The following DCDC2 variants were observed in gnomAD, a reference collection of about 807,000 sequenced individuals.
DCDC2 encodes doublecortin domain-containing protein 2.
In DCDC2, 40 loss-of-function variants were observed where a neutral mutation model predicts 50.2. The ratio of observed to expected loss-of-function variants is 0.80; its 90% CI spans 0.62 to 1.04. DCDC2 has a LOEUF of 1.04. Ranked by LOEUF, DCDC2 falls within the 50% of genes least tolerant of loss-of-function variation. The pLI is 0.00. For synonymous variants in DCDC2, 234 were observed against 210.6 expected (o/e 1.11, Z -0.96); for missense variants, 570 against 581.9 (o/e 0.98, Z 0.21).
chr6:24,306,600 A>T (rs1299928908), intron 2 of DCDC2, among the ~76,000 whole-genome samples: 1 of 151,318 alleles, frequency 6.6e-6, no homozygotes, highest in East Asian at 1.9e-4. Flanking sequence ...AAATATTTCC[A>T]AAGTCAAAGG....
At chr6:24,219,392 C>T (rs542071353) in intron 7 of DCDC2, among the ~76,000 whole-genome samples, 73 of 152,244 alleles carry the variant, frequency 4.8e-4, no homozygotes, top group African/African-American at 1.6e-3. Context: ...GCATTTTACA[C>T]GAGAAACGGA....
intron 7 of DCDC2, among the ~76,000 whole-genome samples, chr6:24,260,963 TTTTA>T (rs1277309493): frequency 6.6e-6 from 1 of 152,224 alleles, no homozygotes; most frequent in Non-Finnish European, 1.5e-5. Flanking sequence ...GACAGAATTC[TTTTA>T]TTTAAGAGAA....
intron 7 of DCDC2, among the ~76,000 whole-genome samples, chr6:24,275,536 G>C (rs1296565958): frequency 6.6e-6 from 1 of 152,046 alleles, no homozygotes; most frequent in South Asian, 2.1e-4. Flanking sequence ...AAGCCAGTTA[G>C]TGAAGGAAAA....
intron 8 of DCDC2, among the ~76,000 whole-genome samples, chr6:24,179,798 C>CA (rs1359586581): frequency 6.0e-5 from 9 of 148,960 alleles, no homozygotes; most frequent in South Asian, 2.2e-4. Context: ...ACTAAAAATA[C>CA]AAAAAATTAG....
At chr6:24,256,501 T>C (rs758100551) in intron 7 of DCDC2, among the ~76,000 whole-genome samples, 3 of 152,148 alleles carry the variant, frequency 2.0e-5, no homozygotes, top group Non-Finnish European at 2.9e-5. Context: ...CTGTTGCGTG[T>C]GTGTGTGTCC....
chr6:24,301,277 A>C (rs1759366936), intron 4 of DCDC2, among the ~76,000 whole-genome samples: 1 of 145,300 alleles, frequency 6.9e-6, no homozygotes, highest in South Asian at 2.3e-4. Context: ...AGGCTGAGGC[A>C]GGAGAATGGC....
the DCDC2 span, among the ~76,000 whole-genome samples, chr6:24,377,162 G>A: frequency 1.3e-5 from 2 of 152,198 alleles, no homozygotes. Context: ...GATGGACTAC[G>A]TAGCTGCCAC....
intron 7 of DCDC2, among the ~76,000 whole-genome samples, chr6:24,206,413 T>C (rs145420843): frequency 1.1e-4 from 16 of 151,730 alleles, no homozygotes; most frequent in Non-Finnish European, 8.8e-5. Context: ...AGGAAAAGAG[T>C]GAAGAAAAAT....
chr6:24,207,128 A>T (rs888454382), intron 7 of DCDC2, among the ~76,000 whole-genome samples: 1 of 152,210 alleles, frequency 6.6e-6, no homozygotes, highest in African/African-American at 2.4e-5. Flanking sequence ...TTTTGATTAT[A>T]AATTGTTTAT....
intron 3 of DCDC2, 42 bp downstream of exon 3, chr6:24,301,926 C>T (rs555419401): frequency 3.7e-6 from 6 of 1,611,838 alleles, no homozygotes; most frequent in East Asian, 2.2e-5. Context: ...AAGGAAACCA[C>T]CAAGCCAATT....
At chr6:24,204,042 A>T (rs1424364899) in intron 8 of DCDC2, among the ~76,000 whole-genome samples, 1 of 152,200 alleles carries the variant, frequency 6.6e-6, no homozygotes, top group Non-Finnish European at 1.5e-5. Context: ...TGTTGGTGGG[A>T]GTGTAAATTA....
At chr6:24,260,263 G>A (rs1762980729) in intron 7 of DCDC2, among the ~76,000 whole-genome samples, 1 of 152,106 alleles carries the variant, frequency 6.6e-6, no homozygotes, top group Admixed American at 6.5e-5. Context: ...AATTATTAAT[G>A]GGTTGCCGGT....
At chr6:24,347,867 T>G (rs1760296201) in intron 2 of DCDC2, among the ~76,000 whole-genome samples, 2 of 152,178 alleles carry the variant, frequency 1.3e-5, no homozygotes, top group South Asian at 4.1e-4. Flanking sequence ...ACTTGAGACG[T>G]CCTATCCATC....
At chr6:24,347,854 A>G (rs921331925) in intron 2 of DCDC2, among the ~76,000 whole-genome samples, 14 of 152,218 alleles carry the variant, frequency 9.2e-5, no homozygotes, top group Admixed American at 8.5e-4. Context: ...AGGCTTTTAA[A>G]TTACTTGAGA....
chr6:24,378,251 A>G, the DCDC2 span, among the ~76,000 whole-genome samples: 7 of 152,158 alleles, frequency 4.6e-5, no homozygotes, highest in Admixed American at 2.6e-4. Context: ...ACTGGCTTCC[A>G]TTCGGCACTT....
chr6:24,252,174 C>T (rs1361597457), intron 7 of DCDC2, among the ~76,000 whole-genome samples: 1 of 152,166 alleles, frequency 6.6e-6, no homozygotes, highest in Non-Finnish European at 1.5e-5. Flanking sequence ...GACCAAATAC[C>T]AAGTTCCCTA....
At chr6:24,343,770 T>C (rs1760204165) in intron 2 of DCDC2, among the ~76,000 whole-genome samples, 1 of 152,252 alleles carries the variant, frequency 6.6e-6, no homozygotes, top group Admixed American at 6.5e-5. Flanking sequence ...AAGGATCTTA[T>C]TTTGGTCAGA....
chr6:24,241,801 C>G (rs1321210988), intron 7 of DCDC2, among the ~76,000 whole-genome samples: 1 of 152,190 alleles, frequency 6.6e-6, no homozygotes, highest in Non-Finnish European at 1.5e-5. Flanking sequence ...TCCCTAAAGA[C>G]AGTAGAATAT....
the DCDC2 span, among the ~76,000 whole-genome samples, chr6:24,375,240 T>C: frequency 1.3e-5 from 2 of 152,090 alleles, no homozygotes; most frequent in Non-Finnish European, 2.9e-5. Flanking sequence ...CTGAAAACCA[T>C]ATGCCCAGAG....
Sources: gnomAD v4.1 joint callset for allele counts (sites outside exome capture counted in the v4.1 genomes callset) on GRCh38, gnomAD v4.1.1 for gene constraint, MANE v1.5 for transcripts, NCBI Gene and HGNC (gene_info 2026-07-23, HGNC 2026-07-21) for gene names.